VOPP1: variants seen among roughly 807,000 people sequenced by gnomAD.
The protein encoded by VOPP1 is VOPP1 WW domain binding protein, also known as WW domain binding protein VOPP1.
VOPP1 carries 8 observed loss-of-function variants against 23.5 expected under a neutral mutation model. That is an observed-to-expected ratio of 0.34 (90% CI 0.20 to 0.61). The LOEUF is 0.61. VOPP1 is among the 20% of genes least tolerant of loss of function. The probability of loss-of-function intolerance (pLI) is 0.78; values close to 1 mark genes in which losing one functional copy is unlikely to be tolerated. For missense variants in VOPP1, 174 were observed against 238.1 expected, an observed-to-expected ratio of 0.73 and a Z score of 1.77; for synonymous variants, 83 against 97.3, an observed-to-expected ratio of 0.85 and a Z score of 0.86.
chr7:55,537,644 G>A, intron 1 of VOPP1: 1 of 1,520,334 alleles, frequency 6.6e-7, no homozygotes, highest in Middle Eastern at 1.7e-4. Flanking sequence ...ATAAAGCTCT[G>A]GCGCCCGCAG....
intron 4 of VOPP1, among the ~76,000 whole-genome samples, chr7:55,480,476 A>G (rs755816504): frequency 4.6e-5 from 7 of 152,198 alleles, no homozygotes; most frequent in Non-Finnish European, 1.0e-4. Flanking sequence ...GGAGGGGAAC[A>G]AGCAATGTGA....
intron 4 of VOPP1, among the ~76,000 whole-genome samples, chr7:55,465,385 G>GT (rs1432310881): frequency 3.3e-5 from 5 of 152,122 alleles, no homozygotes; most frequent in African/African-American, 1.2e-4. Context: ...GACAAGAACG[G>GT]TAGGTGATGT....
chr7:55,483,455 C>T (rs1792892635), intron 4 of VOPP1, among the ~76,000 whole-genome samples: 1 of 152,144 alleles, frequency 6.6e-6, no homozygotes, highest in South Asian at 2.1e-4. Context: ...CTCAACCCTT[C>T]AGTAAGTTCC....
At chr7:55,521,441 T>A (rs925536244) in intron 1 of VOPP1, 15 of 770,360 alleles carry the variant, frequency 1.9e-5, no homozygotes, top group Non-Finnish European at 2.5e-5. Flanking sequence ...ATACTTCAGA[T>A]TACAAAAGAA....
intron 4 of VOPP1, among the ~76,000 whole-genome samples, chr7:55,456,462 G>T (rs111855730): frequency 0.012 from 1,792 of 152,250 alleles, 13 homozygotes; most frequent in Admixed American, 0.021. Flanking sequence ...ATATCCAAAG[G>T]ATTATAAATC....
intron 4 of VOPP1, among the ~76,000 whole-genome samples, chr7:55,451,713 C>T (rs1489218004): frequency 6.6e-6 from 1 of 152,222 alleles, no homozygotes; most frequent in Non-Finnish European, 1.5e-5. Context: ...ATCACTTGAA[C>T]CCAGGAGGCA....
intron 1 of VOPP1, among the ~76,000 whole-genome samples, chr7:55,560,522 G>C (rs892763251): frequency 2.6e-5 from 4 of 152,202 alleles, no homozygotes; most frequent in Non-Finnish European, 4.4e-5. Context: ...GCAGTCCCTA[G>C]ATGCTGGGAC....
At chr7:55,482,909 TTGC>T (rs199668163) in intron 4 of VOPP1, among the ~76,000 whole-genome samples, 3 of 152,226 alleles carry the variant, frequency 2.0e-5, no homozygotes, top group Non-Finnish European at 4.4e-5. Flanking sequence ...ACGGTTTTGC[TTGC>T]TGCTGCTGAT....
intron 3 of VOPP1, among the ~76,000 whole-genome samples, chr7:55,496,913 A>G (rs1793993766): frequency 6.6e-6 from 1 of 152,240 alleles, no homozygotes; most frequent in Non-Finnish European, 1.5e-5. Flanking sequence ...GGTGGGTACA[A>G]GAAATGCTGC....
chr7:55,539,228 C>A (rs1333146833), intron 1 of VOPP1, among the ~76,000 whole-genome samples: 1 of 151,994 alleles, frequency 6.6e-6, no homozygotes, highest in African/African-American at 2.4e-5. Flanking sequence ...GTCTGTAATC[C>A]CAGCTACTCG....
chr7:55,460,841 C>CGGG (rs1791481817), intron 4 of VOPP1, among the ~76,000 whole-genome samples: 1 of 152,014 alleles, frequency 6.6e-6, no homozygotes, highest in Admixed American at 6.6e-5. Context: ...TATCTTTTTC[C>CGGG]ATCCTTCACT....
In VOPP1 at chr7:55,497,593, A is replaced by G; in HGVS notation, c.191+20T>C. On this transcript the variant is annotated intron_variant, in intron 3 of 4. Transcript: ENST00000285279. ...GGGCAGAGCTCTCGGGGTAGGGAAC[A>G]AGGAGGAGTTGTGACCTACCAGAAG... is the stretch of plus-strand genomic sequence containing the variant. 8.4e-6 allele frequency: 13 copies of G among 1,546,952 alleles called. No homozygotes were observed. Among genetic ancestry groups the G allele is most frequent in the Non-Finnish European group, 1.2e-5 (13 of 1,126,830 alleles).
At chr7:55,451,513 C>T (rs2129001724) in intron 4 of VOPP1, among the ~76,000 whole-genome samples, 1 of 152,282 alleles carries the variant, frequency 6.6e-6, no homozygotes, top group Non-Finnish European at 1.5e-5. Flanking sequence ...TTATTGTGGC[C>T]GGATGTAGTG....
At chr7:55,549,692 T>A (rs1293118925) in intron 1 of VOPP1, among the ~76,000 whole-genome samples, 1 of 152,208 alleles carries the variant, frequency 6.6e-6, no homozygotes, top group Non-Finnish European at 1.5e-5. Flanking sequence ...GCACCTGCAA[T>A]GAGCAGAAGC....
intron 4 of VOPP1, among the ~76,000 whole-genome samples, chr7:55,474,934 G>T (rs905841166): frequency 1.3e-5 from 2 of 152,330 alleles, no homozygotes; most frequent in African/African-American, 4.8e-5. Flanking sequence ...AGGAAGAAGT[G>T]ATGTTCTCTC....
intron 2 of VOPP1, among the ~76,000 whole-genome samples, chr7:55,513,451 A>G (rs1795212140): frequency 6.6e-6 from 1 of 152,122 alleles, no homozygotes; most frequent in Admixed American, 6.5e-5. Flanking sequence ...CTATCGTCTC[A>G]GTGGAGTTGA....
chr7:55,566,667 G>A (rs189290651), intron 1 of VOPP1, among the ~76,000 whole-genome samples: 1,681 of 152,210 alleles, frequency 0.011, 11 homozygotes, highest in Middle Eastern at 0.024. Context: ...AGTCCCAACC[G>A]AACTTTTTTT....
At chr7:55,491,793 G>T (rs1332714639) in intron 4 of VOPP1, among the ~76,000 whole-genome samples, 1 of 152,156 alleles carries the variant, frequency 6.6e-6, no homozygotes, top group African/African-American at 2.4e-5. Flanking sequence ...TAAGTATTTG[G>T]AATACTAGTA....
At chr7:55,529,516 T>C (rs1796380395) in intron 1 of VOPP1, among the ~76,000 whole-genome samples, 1 of 152,176 alleles carries the variant, frequency 6.6e-6, no homozygotes. Context: ...TAAAACATAA[T>C]TATCAATATA....
Sources: allele counts gnomAD v4.1 joint callset (sites outside exome capture counted in the v4.1 genomes callset), GRCh38; gene constraint gnomAD v4.1.1; transcripts MANE v1.5; gene names NCBI Gene and HGNC (gene_info 2026-07-23, HGNC 2026-07-21).